The following POU3F3 variants were observed in gnomAD, a reference collection of about 807,000 sequenced individuals.
POU3F3 encodes the protein POU class 3 homeobox 3.
POU3F3 carries 1 observed loss-of-function variant against 8.6 expected under a neutral mutation model. The observed-to-expected ratio is 0.12, with a 90% CI of 0.04 to 0.55. POU3F3 has a LOEUF of 0.55. POU3F3 is among the 20% of genes least tolerant of loss of function. The pLI is 0.91. For missense variants in POU3F3, 577 were observed against 690.7 expected (o/e 0.84, Z 1.84); for synonymous variants, 418 against 327.4 (o/e 1.28, Z -2.99).
the POU3F3 span, among the ~76,000 whole-genome samples, chr2:104,922,799 A>C: frequency 6.6e-6 from 1 of 152,236 alleles, no homozygotes; most frequent in South Asian, 2.1e-4. Context: ...ATAAACATCC[A>C]AGTAGCTCAA....
the POU3F3 span, among the ~76,000 whole-genome samples, chr2:104,917,929 T>C: frequency 3.3e-5 from 5 of 152,180 alleles, no homozygotes; most frequent in African/African-American, 9.7e-5. Flanking sequence ...TTTCAGTATA[T>C]GACCTAGAAG....
At chr2:104,887,624 C>A in the POU3F3 span, among the ~76,000 whole-genome samples, 2 of 152,090 alleles carry the variant, frequency 1.3e-5, no homozygotes, top group African/African-American at 4.8e-5. Flanking sequence ...TTCTACCTGC[C>A]AAAAAAACTT....
At chr2:104,899,237 TTG>T in the POU3F3 span, among the ~76,000 whole-genome samples, 1 of 152,198 alleles carries the variant, frequency 6.6e-6, no homozygotes, top group Non-Finnish European at 1.5e-5. Context: ...TGTGCCTGGG[TTG>T]TGTGTTTCCA....
At chr2:104,862,000 G>A (rs1323267465), downstream of POU3F3, among the ~76,000 whole-genome samples, 1 of 152,242 alleles carries the variant, frequency 6.6e-6, no homozygotes, top group East Asian at 1.9e-4. Context: ...GGAGCTGGGG[G>A]TGGGGGCAGC....
downstream of POU3F3, among the ~76,000 whole-genome samples, chr2:104,861,408 CAG>C (rs1420174630): frequency 3.3e-5 from 5 of 152,028 alleles, no homozygotes; most frequent in African/African-American, 1.2e-4. Flanking sequence ...GGCAGAAAGA[CAG>C]AAATTAAAGA....
chr2:104,863,427 G>T (rs538376891), downstream of POU3F3, among the ~76,000 whole-genome samples: 7 of 152,186 alleles, frequency 4.6e-5, no homozygotes, highest in Admixed American at 3.9e-4. Context: ...TGGAAGGAAA[G>T]GTAGAAATGC....
chr2:104,924,359 G>A, the POU3F3 span, among the ~76,000 whole-genome samples: 1 of 152,262 alleles, frequency 6.6e-6, no homozygotes, highest in East Asian at 1.9e-4. Flanking sequence ...GTTTAGAAAA[G>A]CATTTTGACT....
the POU3F3 span, among the ~76,000 whole-genome samples, chr2:104,908,913 T>C: frequency 6.6e-6 from 1 of 152,228 alleles, no homozygotes; most frequent in Non-Finnish European, 1.5e-5. Flanking sequence ...ACATGTATAT[T>C]TTAAAACAAT....
the POU3F3 span, among the ~76,000 whole-genome samples, chr2:104,873,517 C>A: frequency 6.6e-6 from 1 of 152,180 alleles, no homozygotes; most frequent in Non-Finnish European, 1.5e-5. Context: ...CTGTGGCCAG[C>A]CCCGCGCGCG....
chr2:104,914,581 C>A, the POU3F3 span, among the ~76,000 whole-genome samples: 1 of 152,158 alleles, frequency 6.6e-6, no homozygotes, highest in Non-Finnish European at 1.5e-5. Context: ...AATTAAGTAG[C>A]CAAGATCCCA....
At chr2:104,902,304 G>A in the POU3F3 span, among the ~76,000 whole-genome samples, 567 of 152,120 alleles carry the variant, frequency 3.7e-3, 3 homozygotes, top group African/African-American at 0.013. Context: ...ATCTTTTGTT[G>A]CACCTATTAA....
At chr2:104,916,146 C>G in the POU3F3 span, among the ~76,000 whole-genome samples, 2 of 151,972 alleles carry the variant, frequency 1.3e-5, no homozygotes, top group South Asian at 4.1e-4. Flanking sequence ...AGAAGACTGT[C>G]TAATTCTCAT....
At chr2:104,912,172 A>G in the POU3F3 span, among the ~76,000 whole-genome samples, 2 of 152,188 alleles carry the variant, frequency 1.3e-5, no homozygotes, top group Non-Finnish European at 2.9e-5. Context: ...TGCACAGAGC[A>G]GTGCCGAGTT....
chr2:104,904,879 A>G, the POU3F3 span, among the ~76,000 whole-genome samples: 1 of 152,222 alleles, frequency 6.6e-6, no homozygotes, highest in Non-Finnish European at 1.5e-5. Context: ...GCAGTTTGGG[A>G]AGAGAAAGGC....
At chr2:104,926,708 A>G in the POU3F3 span, among the ~76,000 whole-genome samples, 1 of 152,206 alleles carries the variant, frequency 6.6e-6, no homozygotes, top group East Asian at 1.9e-4. Context: ...AATGCCCATC[A>G]ATGATAGACT....
the POU3F3 span, among the ~76,000 whole-genome samples, chr2:104,909,745 C>T: frequency 3.9e-5 from 6 of 152,172 alleles, no homozygotes; most frequent in Admixed American, 2.0e-4. Context: ...GTAATGAAGA[C>T]GTGACTGATG....
the POU3F3 span, among the ~76,000 whole-genome samples, chr2:104,919,148 G>A: frequency 6.6e-6 from 1 of 152,218 alleles, no homozygotes; most frequent in Non-Finnish European, 1.5e-5. Context: ...TGGGATTACA[G>A]GCGTGAGCCA....
chr2:104,853,773 AC>A (rs1347307368), upstream of POU3F3: 1 of 150,752 alleles, frequency 6.6e-6, no homozygotes, highest in Non-Finnish European at 1.5e-5. Context: ...CCCCGCCCAG[AC>A]CTATTGCGAA....
the POU3F3 span, among the ~76,000 whole-genome samples, chr2:104,879,543 A>G: frequency 2.6e-5 from 4 of 152,122 alleles, no homozygotes; most frequent in Non-Finnish European, 2.9e-5. Flanking sequence ...ACCAGAAGTA[A>G]GTTGCATCCA....
Sources: gnomAD v4.1 joint callset for allele counts (sites outside exome capture counted in the v4.1 genomes callset) on GRCh38, gnomAD v4.1.1 for gene constraint, MANE v1.5 for transcripts, NCBI Gene and HGNC (gene_info 2026-07-23, HGNC 2026-07-21) for gene names.